The following NDUFAF2 variants were observed in gnomAD, a reference collection of about 807,000 sequenced individuals.
The protein encoded by NDUFAF2 is NADH dehydrogenase [ubiquinone] 1 alpha subcomplex assembly factor 2.
Under a neutral mutation model 22.8 loss-of-function variants are expected in NDUFAF2, and 13 were observed. The observed-to-expected ratio is 0.57, with a 90% CI of 0.37 to 0.91. The LOEUF (loss-of-function observed/expected upper bound fraction) is 0.91. Among genes scored for constraint, NDUFAF2 ranks in the 40% least tolerant of loss-of-function variants. NDUFAF2 has a pLI of 0.01. For synonymous variants in NDUFAF2, 53 were observed against 64.2 expected (o/e 0.83, Z 0.84); for missense variants, 162 against 195.2 (o/e 0.83, Z 1.01).
rs146846693 is a variant in NDUFAF2, at chr5:60,975,337, A to G, written c.127+29955A>G. ...AGAATGATTCTAAGGATTTTTACCT[A>G]AGTAATTGGAAGGATAGAATTGTAT... On this transcript the variant is annotated intron_variant, in intron 1 of 3. Transcript: ENST00000296597. 2.4e-4 allele frequency among the ~76,000 whole-genome samples: 36 copies of G among 152,176 alleles called. 2 individuals carry two copies. In the East Asian group the frequency reaches 6.6e-3, roughly 28 times the overall value.
intron 2 of NDUFAF2, among the ~76,000 whole-genome samples, chr5:61,075,369 C>G (rs1752354452): frequency 6.6e-6 from 1 of 151,666 alleles, no homozygotes; most frequent in African/African-American, 2.4e-5. Context: ...AAGTAGATAC[C>G]AAAGGTTTTT....
chr5:60,980,289 G>A (rs1307522911), intron 1 of NDUFAF2, among the ~76,000 whole-genome samples: 1 of 152,166 alleles, frequency 6.6e-6, no homozygotes, highest in East Asian at 1.9e-4. Context: ...AGGAATACAT[G>A]ATCTCACCAA....
At chr5:60,959,088 A>G (rs1750652656) in intron 1 of NDUFAF2, among the ~76,000 whole-genome samples, 1 of 152,114 alleles carries the variant, frequency 6.6e-6, no homozygotes, top group African/African-American at 2.4e-5. Flanking sequence ...AAAAATTATA[A>G]TGAATTAGTA....
At chr5:61,108,259 C>T (rs1375994365) in intron 3 of NDUFAF2, among the ~76,000 whole-genome samples, 2 of 148,496 alleles carry the variant, frequency 1.3e-5, no homozygotes, top group African/African-American at 5.1e-5. Flanking sequence ...AGTTCTAGAT[C>T]CCTGAGGAAT....
At chr5:60,966,837 G>A (rs1177719482) in intron 1 of NDUFAF2, among the ~76,000 whole-genome samples, 1 of 152,040 alleles carries the variant, frequency 6.6e-6, no homozygotes, top group African/African-American at 2.4e-5. Context: ...GTCTTTGGTG[G>A]CTTCACTGAA....
chr5:61,045,039 A>ATTAAATTTTAATTTAG (rs71606658), intron 1 of NDUFAF2, among the ~76,000 whole-genome samples: 12,561 of 142,016 alleles, frequency 0.088, 1,030 homozygotes, highest in South Asian at 0.18. Context: ...TTTTAATTTA[A>ATTAAATTTTAATTTAG]TTAACATTTT....
chr5:61,005,748 A>C (rs1191525400), intron 1 of NDUFAF2, among the ~76,000 whole-genome samples: 1 of 152,106 alleles, frequency 6.6e-6, no homozygotes, highest in Admixed American at 6.5e-5. Context: ...TCTTTTGAGA[A>C]GTGTCTGTTC....
At chr5:60,967,353 C>T (rs1472593788) in intron 1 of NDUFAF2, among the ~76,000 whole-genome samples, 1 of 151,920 alleles carries the variant, frequency 6.6e-6, no homozygotes, top group Non-Finnish European at 1.5e-5. Context: ...CTTAATTGCT[C>T]TTGCTAGTAT....
At chr5:60,973,323 CT>C (rs1159108136) in intron 1 of NDUFAF2, among the ~76,000 whole-genome samples, 2 of 151,980 alleles carry the variant, frequency 1.3e-5, no homozygotes, top group African/African-American at 2.4e-5. Flanking sequence ...TTGTCTCATA[CT>C]TTTTTTCTTG....
intron 1 of NDUFAF2, among the ~76,000 whole-genome samples, chr5:61,062,287 G>A (rs148141689): frequency 3.9e-5 from 6 of 152,070 alleles, no homozygotes; most frequent in Non-Finnish European, 7.4e-5. Context: ...GAAAGAAGAC[G>A]GTGCAAATAG....
intron 2 of NDUFAF2, among the ~76,000 whole-genome samples, chr5:61,078,281 A>G (rs1465363675): frequency 7.0e-6 from 1 of 142,696 alleles, no homozygotes; most frequent in East Asian, 2.2e-4. Flanking sequence ...TTAAGTAAAT[A>G]TAAGCTCAGT....
At chr5:60,966,856 A>G (rs1342086694) in intron 1 of NDUFAF2, among the ~76,000 whole-genome samples, 1 of 151,836 alleles carries the variant, frequency 6.6e-6, no homozygotes, top group Non-Finnish European at 1.5e-5. Flanking sequence ...AAATTTTAGG[A>G]TTGTTTTTCA....
chr5:61,019,623 T>C (rs1023017665), intron 1 of NDUFAF2, among the ~76,000 whole-genome samples: 124 of 152,236 alleles, frequency 8.1e-4, no homozygotes, highest in African/African-American at 2.7e-3. Flanking sequence ...TAAAAAACCC[T>C]CCTGCTATAA....
chr5:61,114,985 T>A (rs1752893284), intron 3 of NDUFAF2: 1 of 152,586 alleles, frequency 6.6e-6, no homozygotes, highest in South Asian at 2.1e-4. Flanking sequence ...AGGCTTGTAT[T>A]CTTTTCTTCA....
chr5:61,121,406 A>G (rs1337478986), intron 3 of NDUFAF2, among the ~76,000 whole-genome samples: 1 of 152,172 alleles, frequency 6.6e-6, no homozygotes, highest in African/African-American at 2.4e-5. Context: ...GATGGGTTAC[A>G]GCTTGTTTTT....
intron 1 of NDUFAF2, among the ~76,000 whole-genome samples, chr5:60,977,800 G>A (rs542369342): frequency 2.1e-5 from 3 of 144,320 alleles, no homozygotes; most frequent in African/African-American, 7.6e-5. Context: ...TCGTGACACT[G>A]CACTCCAGTC....
intron 3 of NDUFAF2, among the ~76,000 whole-genome samples, chr5:61,101,615 G>C (rs1752706430): frequency 6.6e-6 from 1 of 152,026 alleles, no homozygotes; most frequent in African/African-American, 2.4e-5. Context: ...CCAGAAACTA[G>C]ATTTTTTTTC....
At chr5:60,966,728 T>C (rs1226864003) in intron 1 of NDUFAF2, among the ~76,000 whole-genome samples, 2 of 152,062 alleles carry the variant, frequency 1.3e-5, no homozygotes, top group African/African-American at 2.4e-5. Flanking sequence ...GCTAATACCA[T>C]GTTGTTTAGC....
chr5:61,136,991 A>G (rs962924522), intron 3 of NDUFAF2, among the ~76,000 whole-genome samples: 1 of 152,256 alleles, frequency 6.6e-6, no homozygotes, highest in African/African-American at 2.4e-5. Flanking sequence ...CTATTTAGAA[A>G]GCTACAGAGT....
Sources: allele counts gnomAD v4.1 joint callset (sites outside exome capture counted in the v4.1 genomes callset), GRCh38; gene constraint gnomAD v4.1.1; transcripts MANE v1.5; gene names NCBI Gene and HGNC (gene_info 2026-07-23, HGNC 2026-07-21).